PCDHGB4: variants seen among roughly 807,000 people sequenced by gnomAD.
PCDHGB4 encodes protocadherin gamma-B4.
PCDHGB4 carries 38 observed loss-of-function variants against 60.5 expected under a neutral mutation model. The observed-to-expected ratio is 0.63, with a 90% confidence interval of 0.48 to 0.82. The LOEUF is 0.82. Among genes scored for constraint, PCDHGB4 ranks in the 40% least tolerant of loss-of-function variants. The pLI is 0.00. For synonymous variants in PCDHGB4, 456 were observed against 509.7 expected, an observed-to-expected ratio of 0.89 and a Z score of 1.42; for missense variants, 1,109 against 1,209.6, an observed-to-expected ratio of 0.92 and a Z score of 1.23.
At position 141,487,051 on chromosome 5, in the gene PCDHGB4, G is replaced by A. The variant is rs1348441475; in HGVS notation, c.2398-7756G>A. The A allele has an allele frequency of 3.7e-6, 6 of 1,614,024 alleles. No individual in the cohort carries two copies. The highest frequency in any genetic ancestry group is 5.1e-6 in the Non-Finnish European group (6 of 1,180,024). On this transcript the variant is annotated intron_variant, in intron 1 of 3. Coordinates refer to ENST00000519479, the MANE Select transcript of PCDHGB4 (RefSeq NM_003736.4). This position sits in a 1 kb window ranked among gnomAD's most constrained non-coding sequence, Gnocchi z 5.0. ...TGTTTGCAGTCTCTCGATATGCTGG[G>A]GAGGTGCGGACGGCTGTTCCTATCC... is the stretch of plus-strand genomic sequence containing the variant.
chr5:141,494,762 A>G (rs770570158), intron 1 of PCDHGB4, 45 bp from the exon 2 acceptor site: 1 of 1,613,200 alleles, frequency 6.2e-7, no homozygotes, highest in South Asian at 1.1e-5. Flanking sequence ...TGACATTCTA[A>G]CTTCTCACGG....
At chr5:141,494,926 G>C in intron 2 of PCDHGB4, 61 bp downstream of exon 2, 2 of 1,613,498 alleles carry the variant, frequency 1.2e-6, no homozygotes, top group Non-Finnish European at 1.7e-6. Context: ...GGATGACGTG[G>C]GAGGAGATGG....
rs760509503 is a variant in PCDHGB4 at position 141,432,756 on chromosome 5, A to T, written c.2397+42475A>T. The T allele has an allele frequency of 5.6e-6, 9 of 1,613,958 alleles. No homozygotes were observed. Among genetic ancestry groups the T allele is most frequent in the Non-Finnish European group, 7.6e-6 (9 of 1,179,994 alleles). On this transcript the variant is annotated intron_variant, in intron 1 of 3. Transcript: ENST00000519479. This position sits in a 1 kb window ranked among gnomAD's most constrained non-coding sequence, Gnocchi z 6.0. ...GTCACGCTCACCGTGGCCGTGGCCG[A>T]CAGCATCCCCCAAGTCCTGGCGGAC...
Position 141,506,991 on chromosome 5 carries a change from C to T in PCDHGB4, c.2545+1510C>T, listed in dbSNP as rs190455068. 3 of 152,366 alleles carry T rather than the reference C, an allele frequency of 2.0e-5. No homozygotes were observed. In the East Asian group the frequency reaches 5.8e-4, roughly 29 times the overall value. The allele number at this position is 152,366 out of a possible 1,614,324, so 9.4% of individuals were successfully genotyped here. A position where few individuals can be genotyped will look rare whatever the true frequency, so the allele number is the denominator to read the frequency against. The stretch of plus-strand genomic sequence containing the variant: ...TGCAAGGCAGGTCTGATTTCTCACA[C>T]TCGACAGATGAGAGAACCGAGAAGG... On this transcript the variant is annotated intron_variant, in intron 3 of 3. Coordinates refer to ENST00000519479, the MANE Select transcript of PCDHGB4 (RefSeq NM_003736.4).
At chr5:141,501,305 A>G (rs2099807563) in intron 2 of PCDHGB4, among the ~76,000 whole-genome samples, 1 of 151,322 alleles carries the variant, frequency 6.6e-6, no homozygotes, top group African/African-American at 2.4e-5. Flanking sequence ...ACACACACAC[A>G]CACACACACA....
rs578223384 is a variant in PCDHGB4, at chr5:141,400,070, C to A, written c.2397+9789C>A. 4 of 1,613,804 alleles carry A rather than the reference C, an allele frequency of 2.5e-6. No individual in the cohort carries two copies. The African/African-American group carries it at 4.0e-5, about 16-fold the overall frequency. On this transcript the variant is annotated intron_variant, in intron 1 of 3. Transcript: ENST00000519479. ...GTTGCTGTGCGTGATGGTGGACAGC[C>A]GCCACTCTCCGCCACCGCCACGCTG...
chr5:141,410,402 A>G, intron 1 of PCDHGB4: 1 of 1,614,008 alleles, frequency 6.2e-7, no homozygotes, highest in South Asian at 1.1e-5. Flanking sequence ...TCTCTGTGTC[A>G]AGTCTGGACC....
chr5:141,417,862 G>C, intron 1 of PCDHGB4: 1 of 1,550,466 alleles, frequency 6.4e-7, no homozygotes, highest in Non-Finnish European at 8.7e-7. Flanking sequence ...AGCGAACGAT[G>C]GGAGGGAGCT....
chr5:141,397,805 A>G (rs1015155491), intron 1 of PCDHGB4, among the ~76,000 whole-genome samples: 1 of 152,236 alleles, frequency 6.6e-6, no homozygotes, highest in African/African-American at 2.4e-5. Flanking sequence ...TAAGTTAGGC[A>G]CACAAAAACA....
chr5:141,486,706 C>T lies in PCDHGB4; in HGVS notation c.2398-8101C>T. 1.2e-6 allele frequency: 2 copies of T among 1,614,154 alleles called. No homozygotes were observed. Among genetic ancestry groups the T allele is most frequent in the Admixed American group, 1.7e-5 (1 of 60,020 alleles). On this transcript the variant is annotated intron_variant, in intron 1 of 3. Transcript: ENST00000519479. This position sits in a 1 kb window ranked among gnomAD's most constrained non-coding sequence, Gnocchi z 5.0. ...CAGCTTCCTCTTTCATCTCTCTGAACCCCCAGACAGGAGCTGTTCATGCTA... is the reference window on the plus strand; with the variant it reads ...CAGCTTCCTCTTTCATCTCTCTGAATCCCCAGACAGGAGCTGTTCATGCTA...
intron 1 of PCDHGB4, among the ~76,000 whole-genome samples, chr5:141,444,315 G>A (rs2098431855): frequency 6.6e-6 from 1 of 151,946 alleles, no homozygotes; most frequent in South Asian, 2.1e-4. Flanking sequence ...AGGATTACAG[G>A]CATGTGCCAC....
chr5:141,446,747 G>A (rs997132200), intron 1 of PCDHGB4, among the ~76,000 whole-genome samples: 10 of 152,190 alleles, frequency 6.6e-5, no homozygotes, highest in African/African-American at 1.4e-4. Context: ...GATTACAGGC[G>A]TGAGCCACCG....
intron 1 of PCDHGB4, among the ~76,000 whole-genome samples, chr5:141,448,040 C>T (rs892207188): frequency 6.6e-6 from 1 of 151,850 alleles, no homozygotes; most frequent in Admixed American, 6.6e-5. Context: ...GAGCCAAGAT[C>T]ATGCCATTGC....
At position 141,487,148 on chromosome 5, in the gene PCDHGB4, G is replaced by A; in HGVS notation, c.2398-7659G>A. ...TGGTAGTCCACCACTCTCTACCTCT[G>A]TTACTCTCTTAGTGTCCTTAGAGGA... On this transcript the variant is annotated intron_variant, in intron 1 of 3. Transcript: ENST00000519479. This position sits in a 1 kb window ranked among gnomAD's most constrained non-coding sequence, Gnocchi z 5.0. The A allele has an allele frequency of 6.2e-7, 1 of 1,614,042 alleles. No homozygotes were observed. The highest frequency in any genetic ancestry group is 8.5e-7 in the Non-Finnish European group (1 of 1,179,922).
intron 1 of PCDHGB4, among the ~76,000 whole-genome samples, chr5:141,447,787 T>C (rs1025269338): frequency 1.3e-5 from 2 of 152,106 alleles, no homozygotes; most frequent in Non-Finnish European, 2.9e-5. Context: ...TGAAAATAAA[T>C]TTAAGAAAAT....
At chr5:141,407,767 G>T (rs1458257073) in intron 1 of PCDHGB4, among the ~76,000 whole-genome samples, 1 of 152,140 alleles carries the variant, frequency 6.6e-6, no homozygotes, top group Non-Finnish European at 1.5e-5. Context: ...GTTTGAAATT[G>T]TGCATAATAG....
At position 141,432,595 on chromosome 5, in the gene PCDHGB4, C is replaced by G; in HGVS notation, c.2397+42314C>G. 6.2e-7 allele frequency: 1 copy of G among 1,613,756 alleles called. No individual in the cohort carries two copies. Among genetic ancestry groups the G allele is most frequent in the Admixed American group, 1.7e-5 (1 of 60,018 alleles). ...TGTCCTACCGTCTGCTCAAGGCCAG[C>G]GAGCCGGGACTCTTCTCGGTGGGTC... On this transcript the variant is annotated intron_variant, in intron 1 of 3. Transcript: ENST00000519479. This position sits in a 1 kb window ranked among gnomAD's most constrained non-coding sequence, Gnocchi z 6.0.
At position 141,491,111 on chromosome 5, in the gene PCDHGB4, A is replaced by G; in HGVS notation, c.2398-3696A>G. 1 of 1,614,162 alleles carries G rather than the reference A, an allele frequency of 6.2e-7. No individual in the cohort carries two copies. Among genetic ancestry groups the G allele is most frequent in the Non-Finnish European group, 8.5e-7 (1 of 1,180,026 alleles). Reference sequence around the variant, plus strand: ...CCAGGACTGTTCCTCGTGTCTACACACACTGGTGAGGTGCGCACAGCCCGG... The same window carrying G: ...CCAGGACTGTTCCTCGTGTCTACACGCACTGGTGAGGTGCGCACAGCCCGG... On this transcript the variant is annotated intron_variant, in intron 1 of 3. Transcript: ENST00000519479. This position sits in a 1 kb window ranked among gnomAD's most constrained non-coding sequence, Gnocchi z 6.9.
Position 141,422,925 on chromosome 5 carries a change from T to C in PCDHGB4, c.2397+32644T>C, listed in dbSNP as rs568894245. ...ACAATGCGCCCGAGATCCTGTACCC[T>C]GCCCTCCCCACAGACGGCTCCACTG... On this transcript the variant is annotated intron_variant, in intron 1 of 3. Transcript: ENST00000519479. 1.4e-4 allele frequency: 220 copies of C among 1,614,202 alleles called. 2 individuals are homozygous for C. The South Asian group carries it at 2.2e-3, about 16-fold the overall frequency.
Sources: allele counts gnomAD v4.1 joint callset (sites outside exome capture counted in the v4.1 genomes callset), GRCh38; gene constraint gnomAD v4.1.1; non-coding constraint Gnocchi (gnomAD v3.1); transcripts MANE v1.5; gene names NCBI Gene and HGNC (gene_info 2026-07-23, HGNC 2026-07-21).